TRAK1: variants seen among roughly 807,000 people sequenced by gnomAD.
TRAK1 encodes trafficking kinesin protein 1, also known as trafficking kinesin-binding protein 1.
In TRAK1, 33 loss-of-function variants were observed where a neutral mutation model predicts 92.1. The ratio of observed to expected loss-of-function variants is 0.36; its 90% CI spans 0.27 to 0.48. TRAK1 has a LOEUF of 0.48. TRAK1 is among the 20% of genes least tolerant of loss of function. The pLI, the probability that TRAK1 is intolerant of heterozygous loss-of-function variation, is 0.99. For synonymous variants in TRAK1, 521 were observed against 517.3 expected (o/e 1.01, Z -0.10); for missense variants, 1,123 against 1,257.9 (o/e 0.89, Z 1.62).
intron 1 of TRAK1, among the ~76,000 whole-genome samples, chr3:42,023,375 A>G (rs1389379546): frequency 6.6e-6 from 1 of 152,072 alleles, no homozygotes; most frequent in Non-Finnish European, 1.5e-5. Flanking sequence ...CAGTCTGTAG[A>G]TGTTCCAAAG....
chr3:42,044,457 T>C (rs1377443469), intron 1 of TRAK1, among the ~76,000 whole-genome samples: 4 of 152,236 alleles, frequency 2.6e-5, no homozygotes, highest in African/African-American at 9.6e-5. Context: ...CCATTGTGCC[T>C]AGCCCATTGT....
intron 2 of TRAK1, among the ~76,000 whole-genome samples, chr3:42,129,586 A>G (rs550041020): frequency 1.8e-4 from 27 of 152,182 alleles, no homozygotes; most frequent in Non-Finnish European, 3.4e-4. Flanking sequence ...TGGACTTGTA[A>G]CTCCTGAGTC....
intron 1 of TRAK1, among the ~76,000 whole-genome samples, chr3:42,122,379 A>G (rs1164701116): frequency 1.4e-5 from 2 of 147,438 alleles, no homozygotes; most frequent in Non-Finnish European, 3.0e-5. Flanking sequence ...TGCCTTCCCC[A>G]CCACCAAACA....
At chr3:42,119,176 A>G (rs1033848551) in intron 1 of TRAK1, among the ~76,000 whole-genome samples, 1 of 152,250 alleles carries the variant, frequency 6.6e-6, no homozygotes, top group Non-Finnish European at 1.5e-5. Flanking sequence ...GGGAAGAGCC[A>G]CAGAGAATAC....
intron 1 of TRAK1, among the ~76,000 whole-genome samples, chr3:42,102,850 T>C (rs1434244135): frequency 2.7e-5 from 3 of 112,878 alleles, no homozygotes; most frequent in African/African-American, 9.2e-5. Flanking sequence ...CCAGGGACCC[T>C]CCCCTGTCTG....
chr3:42,212,171 A>C (rs927506004), intron 14 of TRAK1: 6 of 985,324 alleles, frequency 6.1e-6, no homozygotes, highest in Non-Finnish European at 7.2e-6. Flanking sequence ...AATCATGGAG[A>C]CACAGGCAGA....
intron 2 of TRAK1, chr3:42,160,144 A>G: frequency 9.2e-7 from 1 of 1,086,416 alleles, no homozygotes; most frequent in South Asian, 2.8e-5. Context: ...GGCTCATAGG[A>G]GCCACCCCCT....
chr3:42,145,289 A>G (rs565774170), intron 2 of TRAK1, among the ~76,000 whole-genome samples: 2 of 152,340 alleles, frequency 1.3e-5, no homozygotes, highest in South Asian at 4.1e-4. Flanking sequence ...GTTTGAGACC[A>G]GCCTGGCCAA....
At chr3:42,185,322 G>A (rs1704634943) in intron 4 of TRAK1, among the ~76,000 whole-genome samples, 1 of 152,182 alleles carries the variant, frequency 6.6e-6, no homozygotes, top group South Asian at 2.1e-4. Flanking sequence ...TTTTGTGTGT[G>A]TAAAACAAAA....
intron 1 of TRAK1, among the ~76,000 whole-genome samples, chr3:42,064,458 G>A (rs1214458212): frequency 6.6e-6 from 1 of 151,966 alleles, no homozygotes; most frequent in African/African-American, 2.4e-5. Flanking sequence ...TGAACTTGCT[G>A]TCTGAGTTAC....
chr3:42,212,680 A>G (rs931235431), intron 14 of TRAK1: 7 of 562,774 alleles, frequency 1.2e-5, no homozygotes, highest in African/African-American at 8.1e-5. Context: ...ATTTATATAG[A>G]AAGTATACTT....
At chr3:42,085,218 A>T (rs796107994), upstream of TRAK1, among the ~76,000 whole-genome samples, 4 of 152,000 alleles carry the variant, frequency 2.6e-5, no homozygotes, top group South Asian at 8.3e-4. Context: ...CCCAGGCTGG[A>T]GTGCAGTGGC....
intron 1 of TRAK1, among the ~76,000 whole-genome samples, chr3:42,092,652 G>A (rs1435776044): frequency 6.8e-6 from 1 of 146,378 alleles, no homozygotes; most frequent in Non-Finnish European, 1.5e-5. Flanking sequence ...TCATCAAAGG[G>A]CCATGGCTTA....
chr3:42,218,790 A>G, intron 14 of TRAK1: 1 of 985,422 alleles, frequency 1.0e-6, no homozygotes, highest in Non-Finnish European at 1.2e-6. Context: ...TCAAGAAAGC[A>G]GCTAGCAGCT....
At chr3:42,208,127 A>G (rs749749293) in intron 13 of TRAK1, among the ~76,000 whole-genome samples, 2 of 152,330 alleles carry the variant, frequency 1.3e-5, no homozygotes, top group South Asian at 4.1e-4. Context: ...GAGAACGGAT[A>G]TGTGATACCC....
At chr3:42,218,800 TA>T in intron 14 of TRAK1, 1 of 985,408 alleles carries the variant, frequency 1.0e-6, no homozygotes, top group Non-Finnish European at 1.2e-6. Flanking sequence ...AGCTAGCAGC[TA>T]GGGGGTATGG....
At chr3:42,200,465 A>G (rs1707364520) in intron 11 of TRAK1, among the ~76,000 whole-genome samples, 1 of 152,176 alleles carries the variant, frequency 6.6e-6, no homozygotes, top group Non-Finnish European at 1.5e-5. Context: ...CGTTTATTCT[A>G]GTGAATATTA....
chr3:42,060,625 CTTTT>C (rs1299725245), intron 1 of TRAK1, among the ~76,000 whole-genome samples: 2 of 123,288 alleles, frequency 1.6e-5, no homozygotes, highest in Non-Finnish European at 3.4e-5. Context: ...TTTTTGGCTG[CTTTT>C]TTTTTTTTTT....
intron 14 of TRAK1, chr3:42,211,935 C>T (rs1709095258): frequency 2.0e-6 from 2 of 985,226 alleles, no homozygotes; most frequent in Non-Finnish European, 2.4e-6. Context: ...ACCTAGGTTG[C>T]CAAAGGTAAT....
Sources: allele counts gnomAD v4.1 joint callset (sites outside exome capture counted in the v4.1 genomes callset), GRCh38; gene constraint gnomAD v4.1.1; transcripts MANE v1.5; gene names NCBI Gene and HGNC (gene_info 2026-07-23, HGNC 2026-07-21).